Variants in CAMTA1 observed in about 807,000 individuals in gnomAD.
CAMTA1 encodes the protein calmodulin binding transcription activator 1.
Under a neutral mutation model 170.9 loss-of-function variants are expected in CAMTA1, and 27 were observed. That is an observed-to-expected ratio of 0.16 (90% CI 0.12 to 0.22). The LOEUF (loss-of-function observed/expected upper bound fraction) is 0.22. CAMTA1 is among the 10% of genes least tolerant of loss of function. The pLI, the probability that CAMTA1 is intolerant of heterozygous loss-of-function variation, is 1.00. For synonymous variants in CAMTA1, 833 were observed against 891.5 expected, an observed-to-expected ratio of 0.93 and a Z score of 1.17; for missense variants, 1,619 against 2,217.2, an observed-to-expected ratio of 0.73 and a Z score of 5.42.
intron 5 of CAMTA1, among the ~76,000 whole-genome samples, chr1:7,305,018 T>G (rs1174312310): frequency 6.6e-6 from 1 of 152,104 alleles, no homozygotes; most frequent in Non-Finnish European, 1.5e-5. Flanking sequence ...GAATGTATTA[T>G]GGTAGAAGGG....
intron 5 of CAMTA1, among the ~76,000 whole-genome samples, chr1:7,358,197 CT>C (rs1317507145): frequency 6.6e-6 from 1 of 152,194 alleles, no homozygotes; most frequent in African/African-American, 2.4e-5. Context: ...CACGTCCTCC[CT>C]TTTTTCCTCT....
At chr1:7,367,236 G>A (rs1002908907) in intron 5 of CAMTA1, among the ~76,000 whole-genome samples, 3 of 152,216 alleles carry the variant, frequency 2.0e-5, no homozygotes, top group African/African-American at 7.2e-5. Flanking sequence ...TCCTCAGAGA[G>A]TAATTATTTC....
At chr1:7,382,722 T>A (rs2087474638) in intron 5 of CAMTA1, 1 of 152,160 alleles carries the variant, frequency 6.6e-6, no homozygotes, top group African/African-American at 2.4e-5. Flanking sequence ...TGATGAGCCC[T>A]CCTGCAGGCA....
chr1:7,661,952 T>C (rs2095962279), intron 8 of CAMTA1, 86 bp downstream of exon 8: 4 of 1,435,650 alleles, frequency 2.8e-6, no homozygotes, highest in East Asian at 5.0e-5. Context: ...TCTGTGGGAG[T>C]AGCCATGACA....
intron 6 of CAMTA1, among the ~76,000 whole-genome samples, chr1:7,481,868 T>C (rs2093542855): frequency 6.6e-6 from 1 of 151,750 alleles, no homozygotes; most frequent in South Asian, 2.1e-4. Flanking sequence ...ACATGTTAAG[T>C]GCACTAGTTG....
chr1:7,158,981 G>T lies in CAMTA1; in HGVS notation c.302+67610G>T, dbSNP rs1331444192. 7.9e-5 allele frequency among the ~76,000 whole-genome samples: 12 copies of T among 151,180 alleles called. No individual in the cohort carries two copies. In the East Asian group the frequency reaches 1.9e-3, roughly 25 times the overall value. ...TAAGTTGGGGTGAGGTGGGGGTGGG[G>T]TAATGGGTCTTCTTTTATTTAAACT... On this transcript the variant is annotated intron_variant, in intron 4 of 22. Coordinates refer to ENST00000303635, the MANE Select transcript of CAMTA1 (RefSeq NM_015215.4).
chr1:7,718,995 T>G lies in CAMTA1; in HGVS notation c.2915-13453T>G, dbSNP rs578100142. Among the ~76,000 whole-genome samples the G allele has an allele frequency of 3.9e-5, 6 of 152,270 alleles. No individual in the cohort carries two copies. The East Asian group carries it at 1.2e-3, about 29-fold the overall frequency. ...TCTGATTTTCACTGTGCACTGAAAC[T>G]GTTGAGGCAGTGTGCTCCAAACTTG... On this transcript the variant is annotated intron_variant, in intron 11 of 22. Transcript: ENST00000303635.
intron 3 of CAMTA1, among the ~76,000 whole-genome samples, chr1:6,906,678 A>G (rs1311966426): frequency 3.3e-5 from 5 of 152,158 alleles, no homozygotes; most frequent in Admixed American, 1.3e-4. Context: ...TGGCTCAGAA[A>G]TGTGTGCCTA....
chr1:6,877,305 T>C lies in CAMTA1; in HGVS notation c.234+52095T>C, dbSNP rs936892411. Among the ~76,000 whole-genome samples, 9 of 152,308 alleles carry C rather than the reference T, an allele frequency of 5.9e-5. No individual in the cohort carries two copies. The South Asian group carries it at 8.3e-4, about 14-fold the overall frequency. On this transcript the variant is annotated intron_variant, in intron 3 of 22. Coordinates refer to ENST00000303635, the MANE Select transcript of CAMTA1 (RefSeq NM_015215.4). ...AGCTTTGGTTGTGCCCTAGACCCTG[T>C]CCTTTTGGCCTTGGCACCACCAAGT...
At chr1:6,923,642 T>G (rs879871806) in intron 3 of CAMTA1, among the ~76,000 whole-genome samples, 33 of 152,040 alleles carry the variant, frequency 2.2e-4, no homozygotes, top group Non-Finnish European at 4.6e-4. Flanking sequence ...GCCACACTGG[T>G]GGTTTCCTGT....
intron 6 of CAMTA1, among the ~76,000 whole-genome samples, chr1:7,480,161 A>ATG (rs1211650431): frequency 5.7e-5 from 6 of 105,256 alleles, no homozygotes; most frequent in South Asian, 6.0e-4. Flanking sequence ...GTGTGGGTGC[A>ATG]TGTGTGTGTG....
At chr1:7,698,745 C>T (rs1253915918) in intron 11 of CAMTA1, 13 of 152,410 alleles carry the variant, frequency 8.5e-5, no homozygotes, top group African/African-American at 3.1e-4. Context: ...ATCATCATGG[C>T]CAGCAGGGAC....
chr1:7,647,281 G>GT lies in CAMTA1; in HGVS notation c.664+6728_664+6729insT, dbSNP rs1332042749. 9.1e-4 allele frequency among the ~76,000 whole-genome samples: 139 copies of GT among 152,026 alleles called. 2 individuals carry two copies. The highest frequency in any genetic ancestry group is 1.6e-3 in the Non-Finnish European group (106 of 67,938). Reference sequence around the variant, plus strand: ...AGACAAAGACCAAAGATCCAGAAGGGGGGGGGGCTGTGTTTATTTGTTTTG... The same window carrying GT: ...AGACAAAGACCAAAGATCCAGAAGGGTGGGGGGGCTGTGTTTATTTGTTTTG... On this transcript the variant is annotated intron_variant, in intron 7 of 22. Coordinates refer to ENST00000303635, the MANE Select transcript of CAMTA1 (RefSeq NM_015215.4).
intron 4 of CAMTA1, among the ~76,000 whole-genome samples, chr1:7,155,808 T>TACC (rs1311592042): frequency 6.6e-6 from 1 of 152,088 alleles, no homozygotes; most frequent in Admixed American, 6.6e-5. Context: ...CAGCCTGGGG[T>TACC]ACCCCAGCTC....
At chr1:7,391,465 T>C (rs994803807) in intron 5 of CAMTA1, among the ~76,000 whole-genome samples, 5 of 152,140 alleles carry the variant, frequency 3.3e-5, no homozygotes, top group African/African-American at 1.2e-4. Flanking sequence ...CCAGGTCATA[T>C]GGCTAAGGGG....
chr1:7,073,779 T>C (rs1638949808), intron 3 of CAMTA1, among the ~76,000 whole-genome samples: 1 of 152,148 alleles, frequency 6.6e-6, no homozygotes, highest in South Asian at 2.1e-4. Context: ...CTGATAGGAA[T>C]GGGCTTGGGA....
intron 3 of CAMTA1, among the ~76,000 whole-genome samples, chr1:6,961,062 A>G (rs1690313795): frequency 6.6e-6 from 1 of 152,182 alleles, no homozygotes; most frequent in Non-Finnish European, 1.5e-5. Context: ...GTGATTTTGT[A>G]GCTACAGATT....
chr1:7,710,233 A>T (rs1464361537), intron 11 of CAMTA1, among the ~76,000 whole-genome samples: 2 of 152,228 alleles, frequency 1.3e-5, no homozygotes, highest in Non-Finnish European at 2.9e-5. Context: ...TGCTACTGTC[A>T]TTTATCACAT....
chr1:7,418,915 C>A (rs941212161), intron 5 of CAMTA1, among the ~76,000 whole-genome samples: 1 of 152,104 alleles, frequency 6.6e-6, no homozygotes, highest in African/African-American at 2.4e-5. Context: ...GCGCTTCTGG[C>A]CATTATCAAC....
Sources: allele counts gnomAD v4.1 joint callset (sites outside exome capture counted in the v4.1 genomes callset), GRCh38; gene constraint gnomAD v4.1.1; transcripts MANE v1.5; gene names NCBI Gene and HGNC (gene_info 2026-07-23, HGNC 2026-07-21).